C10orf90: variants seen among roughly 807,000 people sequenced by gnomAD.
C10orf90 encodes the protein chromosome 10 open reading frame 90.
C10orf90 carries 56 observed loss-of-function variants against 62.5 expected under a neutral mutation model. The ratio of observed to expected loss-of-function variants is 0.90; its 90% CI spans 0.72 to 1.12. The LOEUF is 1.12. C10orf90 is among the 50% of genes most tolerant of loss of function. The pLI is 0.00. For missense variants in C10orf90, 970 were observed against 880.4 expected, an observed-to-expected ratio of 1.10 and a Z score of -1.29; for synonymous variants, 386 against 340.4, an observed-to-expected ratio of 1.13 and a Z score of -1.47.
chr10:126,487,975 A>G (rs1239838953), intron 4 of C10orf90, among the ~76,000 whole-genome samples: 3 of 152,154 alleles, frequency 2.0e-5, no homozygotes, highest in Non-Finnish European at 1.5e-5. Context: ...GGCCTTGATG[A>G]GTTCACGTTA....
At chr10:126,535,667 C>A (rs6597778) in intron 2 of C10orf90, among the ~76,000 whole-genome samples, 134,871 of 152,194 alleles carry the variant, frequency 0.89, 59,972 homozygotes, top group African/African-American at 0.96. Flanking sequence ...TTTGTCTTAG[C>A]TCTCCCCAGT....
chr10:126,667,147 C>T (rs537071027), intron 1 of C10orf90, among the ~76,000 whole-genome samples: 241 of 151,922 alleles, frequency 1.6e-3, no homozygotes, highest in African/African-American at 5.1e-3. Context: ...CAAGCTCTGC[C>T]TCCCAGATTC....
intron 2 of C10orf90, among the ~76,000 whole-genome samples, chr10:126,538,119 T>C (rs1164492654): frequency 6.6e-6 from 1 of 152,140 alleles, no homozygotes; most frequent in Non-Finnish European, 1.5e-5. Flanking sequence ...TGGGGAGGCC[T>C]CACAATCATG....
At chr10:126,608,324 C>G (rs1845358320) in intron 2 of C10orf90, among the ~76,000 whole-genome samples, 1 of 152,098 alleles carries the variant, frequency 6.6e-6, no homozygotes, top group African/African-American at 2.4e-5. Context: ...GTTGCCCAGG[C>G]TGGTCTCAAA....
intron 7 of C10orf90, among the ~76,000 whole-genome samples, chr10:126,438,062 T>G (rs1858034553): frequency 6.6e-6 from 1 of 152,220 alleles, no homozygotes. Flanking sequence ...CAGATGACTT[T>G]GTGCTGGGCA....
At chr10:126,623,713 C>T (rs67860713) in intron 2 of C10orf90, among the ~76,000 whole-genome samples, 8,430 of 151,610 alleles carry the variant, frequency 0.056, 274 homozygotes, top group Middle Eastern at 0.12. Flanking sequence ...TGGTGGTGGG[C>T]GCCTGTAATC....
At chr10:126,553,974 C>T (rs550019375) in intron 2 of C10orf90, among the ~76,000 whole-genome samples, 1 of 151,868 alleles carries the variant, frequency 6.6e-6, no homozygotes, top group South Asian at 2.1e-4. Flanking sequence ...GATAAAAAAC[C>T]CTATACCTAC....
intron 1 of C10orf90, among the ~76,000 whole-genome samples, chr10:126,649,002 C>T: frequency 6.8e-6 from 1 of 148,112 alleles, no homozygotes. Flanking sequence ...TGGTTTGGAT[C>T]ACAGATGATA....
intron 4 of C10orf90, among the ~76,000 whole-genome samples, chr10:126,474,044 A>T (rs1860729829): frequency 6.6e-6 from 1 of 152,158 alleles, no homozygotes; most frequent in Non-Finnish European, 1.5e-5. Flanking sequence ...AGTAGCATTG[A>T]TCATGCCCAG....
At chr10:126,603,126 T>C (rs1202301886) in intron 2 of C10orf90, among the ~76,000 whole-genome samples, 1 of 152,020 alleles carries the variant, frequency 6.6e-6, no homozygotes, top group Non-Finnish European at 1.5e-5. Flanking sequence ...GAGGTGGAGC[T>C]GGAAGTCATC....
intron 2 of C10orf90, among the ~76,000 whole-genome samples, chr10:126,573,586 TC>T (rs1380751233): frequency 6.6e-6 from 1 of 151,690 alleles, no homozygotes; most frequent in African/African-American, 2.4e-5. Flanking sequence ...AACAGAGGGG[TC>T]CCCCAAAAGC....
At chr10:126,525,339 A>T (rs1328244681) in intron 2 of C10orf90, among the ~76,000 whole-genome samples, 2 of 152,222 alleles carry the variant, frequency 1.3e-5, no homozygotes, top group South Asian at 4.1e-4. Context: ...AGACAGATTC[A>T]TTATGTAAAC....
At chr10:126,588,299 C>T (rs958556758) in intron 2 of C10orf90, among the ~76,000 whole-genome samples, 4 of 152,204 alleles carry the variant, frequency 2.6e-5, no homozygotes, top group Admixed American at 6.5e-5. Context: ...AGGGGGGTTC[C>T]CCCAGCATGG....
intron 2 of C10orf90, among the ~76,000 whole-genome samples, 195 bp from the exon 3 acceptor site, chr10:126,514,134 G>A (rs868275635): frequency 9.2e-5 from 14 of 152,180 alleles, no homozygotes; most frequent in African/African-American, 2.6e-4. Context: ...CTCTGGGTTC[G>A]TTATTAGTTT....
chr10:126,663,781 C>A (rs1388242094), intron 1 of C10orf90, among the ~76,000 whole-genome samples: 1 of 152,134 alleles, frequency 6.6e-6, no homozygotes, highest in Non-Finnish European at 1.5e-5. Context: ...AAAAAACCAC[C>A]AAGTACCCTA....
chr10:126,490,631 T>C (rs957320471), intron 4 of C10orf90, among the ~76,000 whole-genome samples: 5 of 152,080 alleles, frequency 3.3e-5, no homozygotes, highest in African/African-American at 1.2e-4. Context: ...GTAAACTTTA[T>C]ATTATGTGTA....
intron 2 of C10orf90, among the ~76,000 whole-genome samples, chr10:126,531,908 T>C (rs1864105934): frequency 2.0e-5 from 3 of 152,182 alleles, no homozygotes. Context: ...CCAGGATGTA[T>C]AATGAACCCC....
rs796853030 is a variant in C10orf90 at position 126,621,426 on chromosome 10, C to T, written c.313+25139G>A. On this transcript the variant is annotated intron_variant, in intron 2 of 9. Transcript: ENST00000488181. ...TTTGCTTTTTATTCGAACTTGTGAC[C>T]CTTCATGTCAGGAACAATGTGGAAT... Among the ~76,000 whole-genome samples, 16 of 152,232 alleles carry T rather than the reference C, an allele frequency of 1.1e-4. 1 individual carries two copies. Among genetic ancestry groups the T allele is most frequent in the African/African-American group, 3.6e-4 (15 of 41,526 alleles).
At chr10:126,491,250 G>T (rs1861754967) in intron 4 of C10orf90, among the ~76,000 whole-genome samples, 1 of 152,164 alleles carries the variant, frequency 6.6e-6, no homozygotes, top group African/African-American at 2.4e-5. Context: ...TGCTCAATTT[G>T]CTTCAATTTA....
Sources: gnomAD v4.1 joint callset for allele counts (sites outside exome capture counted in the v4.1 genomes callset) on GRCh38, gnomAD v4.1.1 for gene constraint, MANE v1.5 for transcripts, NCBI Gene and HGNC (gene_info 2026-07-23, HGNC 2026-07-21) for gene names.